EVL: variants seen among roughly 807,000 people sequenced by gnomAD.
The protein encoded by EVL is Enah/Vasp-like.
Under a neutral mutation model 59.6 loss-of-function variants are expected in EVL, and 21 were observed. That is an observed-to-expected ratio of 0.35 (90% confidence interval 0.25 to 0.51). The LOEUF is 0.51. Among genes scored for constraint, EVL ranks in the 20% least tolerant of loss-of-function variants. EVL has a pLI of 0.97. For synonymous variants in EVL, 198 were observed against 203.5 expected, an observed-to-expected ratio of 0.97 and a Z score of 0.23; for missense variants, 462 against 546.6, an observed-to-expected ratio of 0.85 and a Z score of 1.54.
chr14:100,046,477 G>T (rs574823796), intron 1 of EVL, among the ~76,000 whole-genome samples: 1 of 152,168 alleles, frequency 6.6e-6, no homozygotes, highest in African/African-American at 2.4e-5. Flanking sequence ...CACCAGCCTG[G>T]CTGACATGGC....
intron 13 of EVL, 112 bp downstream of exon 13, chr14:100,141,905 G>A (rs1021903509): frequency 7.7e-6 from 6 of 775,974 alleles, no homozygotes; most frequent in Non-Finnish European, 9.8e-6. Context: ...TACTGCACTG[G>A]GCCCTGTGAG....
intron 1 of EVL, among the ~76,000 whole-genome samples, chr14:99,975,744 C>T (rs2060766077): frequency 6.6e-6 from 1 of 152,140 alleles, no homozygotes; most frequent in Non-Finnish European, 1.5e-5. Flanking sequence ...ACTCATCTGC[C>T]ACTCACCTCC....
chr14:99,977,735 G>A (rs2060780000), intron 1 of EVL, among the ~76,000 whole-genome samples: 1 of 151,880 alleles, frequency 6.6e-6, no homozygotes, highest in African/African-American at 2.4e-5. Flanking sequence ...TGCCTGGCCA[G>A]AACATTTAAT....
chr14:100,002,546 A>G (rs2060952488), intron 1 of EVL, among the ~76,000 whole-genome samples: 1 of 152,220 alleles, frequency 6.6e-6, no homozygotes, highest in Admixed American at 6.5e-5. Flanking sequence ...ATACAGCCCA[A>G]AGAAAGCCAA....
chr14:100,068,312 G>A (rs61984501), intron 1 of EVL, among the ~76,000 whole-genome samples: 4,833 of 152,316 alleles, frequency 0.032, 123 homozygotes, highest in Non-Finnish European at 0.049. Context: ...GGAGCAACAT[G>A]AAGAAGGAAG....
At chr14:100,019,474 G>A (rs1018675151) in intron 1 of EVL, 5 of 535,970 alleles carry the variant, frequency 9.3e-6, no homozygotes, top group Admixed American at 3.8e-5. Flanking sequence ...GTTAGCTGCC[G>A]CTTGTCAGCA....
Position 100,109,330 on chromosome 14 carries a change from CCTG to C in EVL, c.358+11676_358+11678del. ...TGGTCACCTTCTGCTCATCCTTTGC[CCTG>C]CTGTTGTGAAGCCTTCCCAGTGCCC... is the stretch of plus-strand genomic sequence containing the variant. On this transcript the variant is annotated intron_variant, in intron 3 of 13. Coordinates refer to ENST00000392920, the MANE Select transcript of EVL (RefSeq NM_016337.3). The surrounding 1 kb of genome is among the most constrained non-coding windows in gnomAD (Gnocchi z 4.3). 3 of 354,018 alleles carry C rather than the reference CCTG, an allele frequency of 8.5e-6. No individual in the cohort carries two copies. Among genetic ancestry groups the C allele is most frequent in the Non-Finnish European group, 1.7e-5 (3 of 179,498 alleles). The allele number at this position is 354,018 out of a possible 1,614,324, so 21.9% of individuals were successfully genotyped here. A position where few individuals can be genotyped will look rare whatever the true frequency, so the allele number is the denominator to read the frequency against.
rs1317100035 is a variant in EVL at position 100,130,786 on chromosome 14, C to T, written c.839+1102C>T. Among the ~76,000 whole-genome samples the T allele has an allele frequency of 2.0e-5, 3 of 152,190 alleles. No homozygotes were observed. The highest frequency in any genetic ancestry group is 4.4e-5 in the Non-Finnish European group (3 of 68,030). ...CAGATGGCAGGGAGGGGAGGCTCCC[C>T]GTGTGTCAGGGAGCAGCAAGGTGGA... On this transcript the variant is annotated intron_variant, in intron 7 of 13. Coordinates refer to ENST00000392920, the MANE Select transcript of EVL (RefSeq NM_016337.3). The surrounding 1 kb of genome is among the most constrained non-coding windows in gnomAD (Gnocchi z 4.8).
At position 100,109,809 on chromosome 14, in the gene EVL, T is replaced by G. The variant is rs1471785641; in HGVS notation, c.358+12151T>G. On this transcript the variant is annotated intron_variant, in intron 3 of 13. Transcript: ENST00000392920. The surrounding 1 kb of genome is among the most constrained non-coding windows in gnomAD (Gnocchi z 4.3). ...TCCAGCCACAGCCTATGGAAGGGCC[T>G]TCAGCTGCTGTGGCCCCGAGGTGTG... The G allele has an allele frequency of 1.9e-5, 9 of 464,086 alleles. No individual in the cohort carries two copies. The East Asian group carries it at 5.6e-4, about 29-fold the overall frequency. 28.7% of individuals were successfully genotyped at this position (464,086 alleles called of 1,614,324 possible).
At chr14:100,022,023 T>A (rs1466207585) in intron 1 of EVL, among the ~76,000 whole-genome samples, 1 of 152,098 alleles carries the variant, frequency 6.6e-6, no homozygotes, top group African/African-American at 2.4e-5. Context: ...GCAAGTCTCT[T>A]GATCTTTCTT....
chr14:100,094,295 G>A (rs541255832), intron 2 of EVL, among the ~76,000 whole-genome samples: 13 of 152,280 alleles, frequency 8.5e-5, no homozygotes, highest in African/African-American at 3.1e-4. Flanking sequence ...GTGGTTGTCT[G>A]CTGGCCATAT....
intron 1 of EVL, among the ~76,000 whole-genome samples, chr14:99,983,236 T>G (rs763266441): frequency 2.6e-5 from 4 of 152,190 alleles, no homozygotes; most frequent in Non-Finnish European, 5.9e-5. Context: ...AGTGACATTC[T>G]CTATGAAAGA....
At chr14:100,033,398 C>T (rs1641705803) in intron 1 of EVL, among the ~76,000 whole-genome samples, 1 of 152,134 alleles carries the variant, frequency 6.6e-6, no homozygotes, top group Non-Finnish European at 1.5e-5. Flanking sequence ...ATTATTATTA[C>T]CATTTTACCT....
rs116488999 is a variant in EVL at position 100,079,049 on chromosome 14, G to A, written c.12-5638G>A. 9.4e-4 allele frequency among the ~76,000 whole-genome samples: 143 copies of A among 152,352 alleles called. 1 individual carries two copies. The highest frequency in any genetic ancestry group is 3.4e-3 in the African/African-American group (140 of 41,584). ...CACTCCAGAGGAGCAGAAGAGGGCA[G>A]CCTGTACCTTCCCAGAGGCCTCCCT... On this transcript the variant is annotated intron_variant, in intron 1 of 13. Coordinates refer to ENST00000392920, the MANE Select transcript of EVL (RefSeq NM_016337.3).
At position 100,100,569 on chromosome 14, in the gene EVL, G is replaced by A. The variant is rs1046325193; in HGVS notation, c.358+2911G>A. ...AGTCCCTGCACTTAAGAATAGATAC[G>A]AAGTCCACTTTTGTTTTTGTTTTTG... is the stretch of plus-strand genomic sequence containing the variant. On this transcript the variant is annotated intron_variant, in intron 3 of 13. Transcript: ENST00000392920. Among the ~76,000 whole-genome samples the A allele has an allele frequency of 2.0e-5, 3 of 151,994 alleles. 1 individual carries two copies. Among genetic ancestry groups the A allele is most frequent in the South Asian group, 4.2e-4 (2 of 4,808 alleles).
rs1474936601 is a variant in EVL, at chr14:100,130,828, C to T, written c.839+1144C>T. ...CAAGGTGGATCCGCAGCACGGGCGT[C>T]TCCGGAGCCTCTACTGGGCCTGGGC... On this transcript the variant is annotated intron_variant, in intron 7 of 13. Transcript: ENST00000392920. This position sits in a 1 kb window ranked among gnomAD's most constrained non-coding sequence, Gnocchi z 4.8. Among the ~76,000 whole-genome samples, 5 of 152,250 alleles carry T rather than the reference C, an allele frequency of 3.3e-5. No individual in the cohort carries two copies. The highest frequency in any genetic ancestry group is 5.9e-5 in the Non-Finnish European group (4 of 68,052).
At chr14:100,009,600 A>G (rs1441205710) in intron 1 of EVL, among the ~76,000 whole-genome samples, 1 of 152,242 alleles carries the variant, frequency 6.6e-6, no homozygotes, top group Non-Finnish European at 1.5e-5. Context: ...TGAAGAAGAC[A>G]TTCTCAGATT....
chr14:99,999,979 C>T (rs1270912175), intron 1 of EVL, among the ~76,000 whole-genome samples: 1 of 152,218 alleles, frequency 6.6e-6, no homozygotes, highest in African/African-American at 2.4e-5. Flanking sequence ...TGTTTGCTTG[C>T]TTAACTGTGT....
At chr14:100,128,108 A>G in intron 5 of EVL, among the ~76,000 whole-genome samples, 1 of 152,226 alleles carries the variant, frequency 6.6e-6, no homozygotes, top group East Asian at 1.9e-4. Flanking sequence ...CCCAAGTGTC[A>G]GTCACAGTTG....
Sources: gnomAD v4.1 joint callset for allele counts (sites outside exome capture counted in the v4.1 genomes callset) on GRCh38, gnomAD v4.1.1 for gene constraint, Gnocchi (gnomAD v3.1) non-coding constraint, MANE v1.5 for transcripts, NCBI Gene and HGNC (gene_info 2026-07-23, HGNC 2026-07-21) for gene names.